Variants in ZNF875 observed in about 807,000 individuals in gnomAD.
ZNF875 encodes HKR1, GLI-Kruppel zinc finger family member.
In ZNF875, 14 loss-of-function variants were observed where a neutral mutation model predicts 11.2. The observed-to-expected ratio is 1.26, with a 90% CI of 0.83 to 1.96. ZNF875 has a LOEUF of 1.96. ZNF875 is among the 30% of genes most tolerant of loss of function. ZNF875 has a pLI of 0.00. For missense variants in ZNF875, 752 were observed against 760.4 expected (o/e 0.99, Z 0.13); for synonymous variants, 301 against 281.1 (o/e 1.07, Z -0.71).
At chr19:37,331,625 A>G (rs1568572736), upstream of ZNF875, among the ~76,000 whole-genome samples, 1 of 147,420 alleles carries the variant, frequency 6.8e-6, no homozygotes, top group Non-Finnish European at 1.5e-5. Flanking sequence ...TGAAGGCAGC[A>G]TGCTCCTTAA....
intron 4 of ZNF875, among the ~76,000 whole-genome samples, chr19:37,329,310 A>C (rs2033020589): frequency 6.6e-6 from 1 of 152,038 alleles, no homozygotes; most frequent in Admixed American, 6.6e-5. Flanking sequence ...CTGCATGTCC[A>C]TGTTTTTGAC....
At chr19:37,333,535 G>T (rs1460862196), upstream of ZNF875, among the ~76,000 whole-genome samples, 1 of 152,102 alleles carries the variant, frequency 6.6e-6, no homozygotes, top group Non-Finnish European at 1.5e-5. Flanking sequence ...GAGGGGGTAG[G>T]GTGTGAAGAT....
chr19:37,339,013 C>G (rs111395076), intron 2 of ZNF875, among the ~76,000 whole-genome samples: 27 of 151,772 alleles, frequency 1.8e-4, no homozygotes, highest in African/African-American at 5.8e-4. Flanking sequence ...TATTTTTTTT[C>G]TTAGCATTTT....
At chr19:37,318,556 C>T (rs1286312625) in intron 1 of ZNF875, among the ~76,000 whole-genome samples, 1 of 149,822 alleles carries the variant, frequency 6.7e-6, no homozygotes, top group Non-Finnish European at 1.5e-5. Context: ...GAGTCTCGCT[C>T]TGTCGCCCAG....
intron 4 of ZNF875, among the ~76,000 whole-genome samples, chr19:37,351,286 G>T (rs2037853980): frequency 6.6e-6 from 1 of 152,126 alleles, no homozygotes; most frequent in South Asian, 2.1e-4. Context: ...CTCTAGTGGT[G>T]CTTCCTCTTT....
In ZNF875 at chr19:37,362,128, A is replaced by C; in HGVS notation, c.276A>C (p.Gln92His). ...DLCPESKPEIQLSPSCPLIFS... is the reference protein window; with the variant it reads ...DLCPESKPEIHLSPSCPLIFS... ...CAGCAGAATCGAAGCCAGAAATTCA[A>C]CTTAGTCCCTCCTGCCCTCTGATTT... is the stretch of plus-strand genomic sequence containing the variant. The change falls in exon 5 of 5, where the codon CAA becomes CAC. Residue 92 changes from glutamine (Q) to histidine (H), a missense_variant. By Grantham distance (24) the Gln-to-His change is conservative. Coordinates refer to ENST00000392153, the MANE Select transcript of ZNF875 (RefSeq NM_001353803.2). 2 of 1,612,406 alleles carry C rather than the reference A, an allele frequency of 1.2e-6. No individual in the cohort carries two copies. Among genetic ancestry groups the C allele is most frequent in the South Asian group, 2.2e-5 (2 of 90,894 alleles).
intron 2 of ZNF875, among the ~76,000 whole-genome samples, chr19:37,341,173 C>T (rs577652873): frequency 1.3e-5 from 2 of 152,176 alleles, no homozygotes; most frequent in African/African-American, 2.4e-5. Flanking sequence ...TTAGTCACCA[C>T]GTATTTTTCA....
chr19:37,319,693 C>G (rs933531701), intron 1 of ZNF875, among the ~76,000 whole-genome samples: 1 of 151,984 alleles, frequency 6.6e-6, no homozygotes, highest in Non-Finnish European at 1.5e-5. Flanking sequence ...TAATACTGAC[C>G]CTCAATCCGT....
At chr19:37,336,435 G>A (rs944570065) in intron 2 of ZNF875, among the ~76,000 whole-genome samples, 4 of 151,520 alleles carry the variant, frequency 2.6e-5, no homozygotes, top group Non-Finnish European at 5.9e-5. Context: ...GAGTAGCTGG[G>A]ACTACAGGCG....
chr19:37,315,582 G>A (rs1054497648), upstream of ZNF875: 4 of 152,086 alleles, frequency 2.6e-5, no homozygotes, highest in African/African-American at 9.7e-5. Context: ...TCCCAAAGGA[G>A]TCCCAGATAA....
At chr19:37,337,777 C>G (rs888250276) in intron 2 of ZNF875, 4 of 150,982 alleles carry the variant, frequency 2.6e-5, no homozygotes, top group African/African-American at 7.4e-5. Flanking sequence ...AGATTGGTGA[C>G]GATGATGCCC....
At chr19:37,360,902 A>T (rs1223867681) in intron 4 of ZNF875, among the ~76,000 whole-genome samples, 1 of 151,934 alleles carries the variant, frequency 6.6e-6, no homozygotes. Flanking sequence ...TTTCATTTTT[A>T]GAATAGTCAT....
At chr19:37,345,528 G>C (rs1234196812) in intron 2 of ZNF875, among the ~76,000 whole-genome samples, 1 of 152,142 alleles carries the variant, frequency 6.6e-6, no homozygotes, top group African/African-American at 2.4e-5. Flanking sequence ...CAAAATCAAA[G>C]AGACAAGGCA....
intron 1 of ZNF875, among the ~76,000 whole-genome samples, chr19:37,318,960 G>A (rs2030693353): frequency 1.3e-5 from 2 of 151,996 alleles, no homozygotes; most frequent in African/African-American, 4.8e-5. Context: ...CTAATTTTTG[G>A]GGCACGTATG....
intron 2 of ZNF875, among the ~76,000 whole-genome samples, chr19:37,346,025 G>T (rs2036691448): frequency 6.6e-6 from 1 of 152,158 alleles, no homozygotes; most frequent in East Asian, 1.9e-4. Flanking sequence ...AGATTCTGTT[G>T]TAGACACCAG....
chr19:37,354,893 C>T (rs1391443654), intron 4 of ZNF875, among the ~76,000 whole-genome samples: 1 of 152,152 alleles, frequency 6.6e-6, no homozygotes, highest in Non-Finnish European at 1.5e-5. Context: ...AGACCATCAC[C>T]AAATGGGCTA....
rs1160967952 is a variant in ZNF875, at chr19:37,362,332, C to T, written c.480C>T (p.Asp160=). 1.9e-6 allele frequency: 3 copies of T among 1,614,112 alleles called. No homozygotes were observed. The East Asian group carries it at 6.7e-5, about 36-fold the overall frequency. ...CAGAATGGATTCAAGAGGGAGAAGACTCCAGACTCCTGTTTGGGAGAGTAA... is the reference window on the plus strand; with the variant it reads ...CAGAATGGATTCAAGAGGGAGAAGATTCCAGACTCCTGTTTGGGAGAGTAA... The part of the protein sequence containing the change: ...GKAEWIQEGE[D]SRLLFGRVSK... Residue 160 remains aspartate, a synonymous_variant, in exon 5 of 5, where the codon GAC becomes GAT. Coordinates refer to ENST00000392153, the MANE Select transcript of ZNF875 (RefSeq NM_001353803.2).
At chr19:37,313,815 A>G (rs1211527401), upstream of ZNF875, among the ~76,000 whole-genome samples, 1 of 152,040 alleles carries the variant, frequency 6.6e-6, no homozygotes, top group African/African-American at 2.4e-5. Context: ...TAGGCAATGC[A>G]GTTTTTCAAT....
intron 2 of ZNF875, among the ~76,000 whole-genome samples, chr19:37,340,731 C>A (rs1165473649): frequency 6.8e-6 from 1 of 146,802 alleles, no homozygotes; most frequent in Non-Finnish European, 1.5e-5. Context: ...TCACTGCAAG[C>A]TCCGCCTCCT....
Sources: allele counts gnomAD v4.1 joint callset (sites outside exome capture counted in the v4.1 genomes callset), GRCh38; gene constraint gnomAD v4.1.1; transcripts MANE v1.5; gene names NCBI Gene and HGNC (gene_info 2026-07-23, HGNC 2026-07-21).